The following DSCAM variants were observed in gnomAD, a reference collection of about 807,000 sequenced individuals.
The protein encoded by DSCAM is cell adhesion molecule DSCAM.
A neutral mutation model predicts 217.7 loss-of-function variants in DSCAM; 47 were observed. The ratio of observed to expected loss-of-function variants is 0.22; its 90% CI spans 0.17 to 0.28. DSCAM has a LOEUF of 0.28. Among genes scored for constraint, DSCAM ranks in the 10% least tolerant of loss-of-function variants. The probability of loss-of-function intolerance (pLI) is 1.00; values close to 1 mark genes in which losing one functional copy is unlikely to be tolerated. For missense variants in DSCAM, 2,080 were observed against 2,618.3 expected, an observed-to-expected ratio of 0.79 and a Z score of 4.49; for synonymous variants, 1,056 against 1,015.3, an observed-to-expected ratio of 1.04 and a Z score of -0.76.
chr21:40,611,270 G>A (rs1287606245), intron 3 of DSCAM, among the ~76,000 whole-genome samples: 8 of 151,934 alleles, frequency 5.3e-5, no homozygotes, highest in Admixed American at 2.0e-4. Context: ...TGCTGGCCAG[G>A]ATGGGCTCAA....
At chr21:40,598,197 C>T (rs935793643) in intron 3 of DSCAM, among the ~76,000 whole-genome samples, 2 of 152,224 alleles carry the variant, frequency 1.3e-5, no homozygotes, top group African/African-American at 4.8e-5. Flanking sequence ...GTTGGATCCA[C>T]ATACGATGTG....
At chr21:40,497,132 A>C (rs1313640279) in intron 3 of DSCAM, among the ~76,000 whole-genome samples, 1 of 152,206 alleles carries the variant, frequency 6.6e-6, no homozygotes, top group Non-Finnish European at 1.5e-5. Context: ...CAGTAATTCC[A>C]CTGTTGGATC....
At chr21:40,240,930 A>G (rs1398159646) in intron 11 of DSCAM, among the ~76,000 whole-genome samples, 43 of 152,172 alleles carry the variant, frequency 2.8e-4, no homozygotes, top group Admixed American at 2.8e-3. Context: ...GAACTGGCTA[A>G]CCGTACGCAG....
chr21:40,369,385 C>CGTGTGTGTGTGTGTGTGTGT, intron 3 of DSCAM, 140 bp from the exon 4 acceptor site: 1 of 384,508 alleles, frequency 2.6e-6, no homozygotes, highest in Non-Finnish European at 4.5e-6. Context: ...CGTGCGTCTG[C>CGTGTGTGTGTGTGTGTGTGT]GTGTGTGTGT....
At chr21:40,037,544 A>G (rs2146463320) in intron 32 of DSCAM, among the ~76,000 whole-genome samples, 1 of 148,508 alleles carries the variant, frequency 6.7e-6, no homozygotes, top group East Asian at 1.9e-4. Flanking sequence ...AGAACATTCT[A>G]TGCTCATGGG....
At chr21:40,091,418 A>G (rs2089608005) in intron 21 of DSCAM, among the ~76,000 whole-genome samples, 1 of 151,850 alleles carries the variant, frequency 6.6e-6, no homozygotes. Flanking sequence ...TGGACCTCCC[A>G]CCTGCTAAAT....
At chr21:40,538,491 C>T (rs556935393) in intron 3 of DSCAM, among the ~76,000 whole-genome samples, 1 of 152,258 alleles carries the variant, frequency 6.6e-6, no homozygotes, top group South Asian at 2.1e-4. Context: ...GAAAACAATT[C>T]TGGTTTCCCC....
intron 3 of DSCAM, among the ~76,000 whole-genome samples, chr21:40,427,917 A>G (rs967883704): frequency 1.3e-5 from 2 of 152,152 alleles, no homozygotes; most frequent in African/African-American, 2.4e-5. Flanking sequence ...TTTAAAGGGA[A>G]TTTCCCAAAT....
chr21:40,135,348 T>C (rs939076341), intron 18 of DSCAM, among the ~76,000 whole-genome samples: 1 of 152,234 alleles, frequency 6.6e-6, no homozygotes, highest in African/African-American at 2.4e-5. Context: ...CCTGCCTAGG[T>C]GCCAGCGCTA....
At chr21:40,098,589 A>G (rs1286963580) in intron 20 of DSCAM, among the ~76,000 whole-genome samples, 1 of 152,258 alleles carries the variant, frequency 6.6e-6, no homozygotes. Flanking sequence ...TACTCTTGTT[A>G]GCTTTTCAAT....
chr21:40,102,109 G>T (rs776948784), intron 20 of DSCAM, among the ~76,000 whole-genome samples: 1 of 152,008 alleles, frequency 6.6e-6, no homozygotes, highest in Non-Finnish European at 1.5e-5. Context: ...TTTAAAATGA[G>T]GCACCATAGA....
At chr21:40,512,561 T>A (rs1298249229) in intron 3 of DSCAM, among the ~76,000 whole-genome samples, 1 of 152,168 alleles carries the variant, frequency 6.6e-6, no homozygotes, top group African/African-American at 2.4e-5. Context: ...TGTCTCCATC[T>A]ATTGCCAAGG....
chr21:40,371,394 G>GACGA (rs1273997465), intron 3 of DSCAM, among the ~76,000 whole-genome samples: 1 of 149,724 alleles, frequency 6.7e-6, no homozygotes, highest in Non-Finnish European at 1.5e-5. Context: ...TTCCTTTAAA[G>GACGA]TACAGTTTGA....
At chr21:40,674,626 C>CCT in intron 3 of DSCAM, among the ~76,000 whole-genome samples, 1 of 105,874 alleles carries the variant, frequency 9.4e-6, no homozygotes, top group African/African-American at 3.8e-5. Flanking sequence ...TTTTCTTTTT[C>CCT]TTTTTCTTTT....
intron 8 of DSCAM, among the ~76,000 whole-genome samples, chr21:40,331,981 C>T (rs923402787): frequency 2.0e-5 from 3 of 152,106 alleles, no homozygotes; most frequent in African/African-American, 7.2e-5. Context: ...TAAGACCAAC[C>T]CCGCCATCCA....
chr21:40,522,539 G>A (rs2076367164), intron 3 of DSCAM, among the ~76,000 whole-genome samples: 2 of 152,180 alleles, frequency 1.3e-5, no homozygotes, highest in South Asian at 2.1e-4. Context: ...TTCTCTTTGG[G>A]CCTTGGCTCC....
chr21:40,731,653 T>C (rs770552063), intron 1 of DSCAM, among the ~76,000 whole-genome samples: 24 of 151,878 alleles, frequency 1.6e-4, no homozygotes, highest in Admixed American at 5.9e-4. Flanking sequence ...CCTCTTCTTA[T>C]AAGGATATCA....
At chr21:40,804,049 C>T (rs1076568) in intron 1 of DSCAM, among the ~76,000 whole-genome samples, 8,462 of 149,654 alleles carry the variant, frequency 0.057, 795 homozygotes, top group African/African-American at 0.2. Context: ...TTTAAACCAC[C>T]CCTCCATCAG....
At position 40,454,737 on chromosome 21, in the gene DSCAM, A is replaced by G. The variant is rs150531594; in HGVS notation, c.509-85492T>C. On this transcript the variant is annotated intron_variant, in intron 3 of 32. Transcript: ENST00000400454. ...TATCTCAGGCAGAAGCATTCTTCTC[A>G]AAGTAGGGTAAATATACAGAGAGGA... is the stretch of plus-strand genomic sequence containing the variant. 6.2e-4 allele frequency among the ~76,000 whole-genome samples: 95 copies of G among 152,334 alleles called. 1 individual carries two copies. The East Asian group carries it at 0.017, about 27-fold the overall frequency.
Sources: gnomAD v4.1 joint callset for allele counts (sites outside exome capture counted in the v4.1 genomes callset) on GRCh38, gnomAD v4.1.1 for gene constraint, MANE v1.5 for transcripts, NCBI Gene and HGNC (gene_info 2026-07-23, HGNC 2026-07-21) for gene names.